The following LTBP2 variants were observed in gnomAD, a reference collection of about 807,000 sequenced individuals.
The protein encoded by LTBP2 is latent-transforming growth factor beta-binding protein 2.
In LTBP2, 103 loss-of-function variants were observed where a neutral mutation model predicts 210.6. The ratio of observed to expected loss-of-function variants is 0.49; its 90% CI spans 0.42 to 0.58. LTBP2 has a LOEUF of 0.58. Among genes scored for constraint, LTBP2 ranks in the 20% least tolerant of loss-of-function variants. The probability of loss-of-function intolerance (pLI) is 0.00; values close to 1 mark genes in which losing one functional copy is unlikely to be tolerated. For synonymous variants in LTBP2, 1,007 were observed against 1,015.0 expected (o/e 0.99, Z 0.15); for missense variants, 2,313 against 2,494.5 (o/e 0.93, Z 1.55).
At chr14:74,595,268 G>A (rs546753933) in intron 2 of LTBP2, among the ~76,000 whole-genome samples, 1 of 152,306 alleles carries the variant, frequency 6.6e-6, no homozygotes, top group East Asian at 1.9e-4. Flanking sequence ...GTCAGGGCTG[G>A]GGAGCCGCGG....
chr14:74,573,070 C>T (rs182531583), intron 3 of LTBP2, among the ~76,000 whole-genome samples: 69 of 152,278 alleles, frequency 4.5e-4, no homozygotes, highest in Non-Finnish European at 7.2e-4. Flanking sequence ...AGGCTCTCAC[C>T]GACTTCTGTA....
chr14:74,553,292 G>A (rs762084702), intron 4 of LTBP2, among the ~76,000 whole-genome samples: 11 of 152,204 alleles, frequency 7.2e-5, no homozygotes, highest in Non-Finnish European at 1.5e-4. Flanking sequence ...CCTCTTGAGT[G>A]GGTGGTATGT....
chr14:74,607,996 C>T (rs1369424603), intron 1 of LTBP2, among the ~76,000 whole-genome samples: 3 of 151,570 alleles, frequency 2.0e-5, no homozygotes, highest in African/African-American at 7.3e-5. Flanking sequence ...TCTCGGCTCA[C>T]TGCAAGCTCC....
intron 3 of LTBP2, among the ~76,000 whole-genome samples, chr14:74,564,253 T>A (rs58788592): frequency 2.3e-3 from 14 of 6,154 alleles, no homozygotes; most frequent in Non-Finnish European, 3.1e-3. Flanking sequence ...TTATATATAT[T>A]TATATATATT....
In LTBP2 at chr14:74,565,387, T is replaced by C. The variant is rs368687329; in HGVS notation, c.831-9694A>G. ...CAGTGAAAGACCACCTGGTAGAGAG[T>C]GGACTAAAGAGAGGCGAGCTGGAGG... On this transcript the variant is annotated intron_variant, in intron 3 of 35. Transcript: ENST00000261978. Among the ~76,000 whole-genome samples the C allele has an allele frequency of 2.6e-5, 4 of 151,894 alleles. No individual in the cohort carries two copies. The South Asian group carries it at 8.3e-4, about 32-fold the overall frequency.
chr14:74,509,667 G>A lies in LTBP2; in HGVS notation c.3277+67C>T. The A allele has an allele frequency of 2.5e-6, 4 of 1,609,264 alleles. No homozygotes were observed. The South Asian group carries it at 4.4e-5, about 18-fold the overall frequency. Reference sequence around the variant, plus strand: ...ATCAGCCCCAAACTGGGGACAAATTGAGTGTTCTTTGGGAGGTAAGACAGC... The same window carrying A: ...ATCAGCCCCAAACTGGGGACAAATTAAGTGTTCTTTGGGAGGTAAGACAGC... On this transcript the variant is annotated intron_variant, in intron 21 of 35. Coordinates refer to ENST00000261978, the MANE Select transcript of LTBP2 (RefSeq NM_000428.3).
At chr14:74,591,761 T>G (rs2088287484) in intron 2 of LTBP2, among the ~76,000 whole-genome samples, 1 of 152,214 alleles carries the variant, frequency 6.6e-6, no homozygotes, top group Admixed American at 6.5e-5. Context: ...CCAGTGCCTG[T>G]CTATGAATGG....
At chr14:74,521,869 G>T in intron 17 of LTBP2, 42 bp downstream of exon 17, 1 of 1,612,426 alleles carries the variant, frequency 6.2e-7, no homozygotes, top group Non-Finnish European at 8.5e-7. Context: ...ACCCCCTCAA[G>T]ACTGTGGGGC....
intron 18 of LTBP2, among the ~76,000 whole-genome samples, chr14:74,516,475 A>C (rs1280722484): frequency 3.3e-5 from 5 of 152,114 alleles, no homozygotes; most frequent in Non-Finnish European, 7.4e-5. Context: ...CAAGCTTAAT[A>C]AGAAGGCTGA....
chr14:74,529,195 G>A, intron 10 of LTBP2, 73 bp from the exon 11 acceptor site: 1 of 1,522,708 alleles, frequency 6.6e-7, no homozygotes, highest in Non-Finnish European at 8.9e-7. Flanking sequence ...GAGGGCAGTG[G>A]ATGGAGGTGT....
chr14:74,506,455 C>T (rs957241800), intron 27 of LTBP2, among the ~76,000 whole-genome samples: 2 of 152,176 alleles, frequency 1.3e-5, no homozygotes, highest in African/African-American at 2.4e-5. Context: ...CTCCTGCCTC[C>T]TGAGGCTCTG....
At chr14:74,596,924 G>A (rs1422389788) in intron 2 of LTBP2, among the ~76,000 whole-genome samples, 1 of 149,708 alleles carries the variant, frequency 6.7e-6, no homozygotes, top group Non-Finnish European at 1.5e-5. Context: ...TGTTGAGCAG[G>A]CAGCAGATGT....
In LTBP2 at chr14:74,528,760, T is replaced by G. The variant is rs931730624; in HGVS notation, c.2153-62A>C. 4 of 1,584,310 alleles carry G rather than the reference T, an allele frequency of 2.5e-6. No homozygotes were observed. In the Admixed American group the frequency reaches 6.8e-5, roughly 27 times the overall value. ...GCTGTTCCTGCAGGAAACCAGGGCCTTCCTTTCCCTCCCTTTGGGAGACAC... is the reference window on the plus strand; with the variant it reads ...GCTGTTCCTGCAGGAAACCAGGGCCGTCCTTTCCCTCCCTTTGGGAGACAC... On this transcript the variant is annotated intron_variant, in intron 11 of 35. Coordinates refer to ENST00000261978, the MANE Select transcript of LTBP2 (RefSeq NM_000428.3).
In LTBP2 at chr14:74,508,720, T is replaced by C; in HGVS notation, c.3536A>G (p.Glu1179Gly). ...TGCGCAGTGCTCCTCCCCCATGCAC[T>C]CATTCACATCTGCAGGGAAAAGATG... The part of the protein sequence containing the change: ...ANGTVCEDVN[E>G]CMGEEHCAPH... Residue 1179 changes from glutamate (E) to glycine (G), a missense_variant, in exon 24 of 36, where the codon GAG (glutamate) becomes GGG (glycine). Physicochemically the swap from Glu to Gly is moderately conservative, Grantham distance 98 (BLOSUM62 -2). Transcript: ENST00000261978. The C allele has an allele frequency of 1.9e-6, 3 of 1,613,668 alleles. No individual in the cohort carries two copies. The highest frequency in any genetic ancestry group is 2.7e-5 in the African/African-American group (2 of 75,004).
intron 4 of LTBP2, among the ~76,000 whole-genome samples, chr14:74,554,980 G>A (rs1286425593): frequency 1.3e-5 from 2 of 151,786 alleles, no homozygotes; most frequent in African/African-American, 4.8e-5. Context: ...GGAGGGGAGG[G>A]GAGGGGAGGC....
intron 5 of LTBP2, 118 bp from the exon 6 acceptor site, chr14:74,552,511 C>A: frequency 1.1e-6 from 1 of 885,474 alleles, no homozygotes; most frequent in South Asian, 1.4e-5. Context: ...GCTCCTGTAG[C>A]CCGGAGCCCC....
Position 74,549,843 on chromosome 14 carries a change from C to CCA in LTBP2, c.1789+19_1789+20insTG. ...GGAGAGCTTCCTCCACAACACGTGA[C>CCA]CTTGGACTCCAGCACTCACCTGGTC... On this transcript the variant is annotated intron_variant, in intron 8 of 35. Transcript: ENST00000261978. 1 of 1,602,784 alleles carries CCA rather than the reference C, an allele frequency of 6.2e-7. No homozygotes were observed. The highest frequency in any genetic ancestry group is 8.5e-7 in the Non-Finnish European group (1 of 1,169,696).
intron 8 of LTBP2, among the ~76,000 whole-genome samples, chr14:74,544,430 G>A (rs752603200): frequency 1.3e-5 from 2 of 152,160 alleles, no homozygotes; most frequent in African/African-American, 2.4e-5. Flanking sequence ...AATATTGTTA[G>A]GATGCAAGAA....
At chr14:74,574,738 C>A (rs1381205744) in intron 3 of LTBP2, among the ~76,000 whole-genome samples, 1 of 152,178 alleles carries the variant, frequency 6.6e-6, no homozygotes, top group Non-Finnish European at 1.5e-5. Context: ...AAACCAAACC[C>A]AGGATGCGGT....
Sources: gnomAD v4.1 joint callset for allele counts (sites outside exome capture counted in the v4.1 genomes callset) on GRCh38, gnomAD v4.1.1 for gene constraint, MANE v1.5 for transcripts, NCBI Gene and HGNC (gene_info 2026-07-23, HGNC 2026-07-21) for gene names.